The following SLCO1A2 variants were observed in gnomAD, a reference collection of about 807,000 sequenced individuals.
SLCO1A2 encodes the protein solute carrier organic anion transporter family member 1A2, also known as OATP-1.
Under a neutral mutation model 69.0 loss-of-function variants are expected in SLCO1A2, and 67 were observed. The observed-to-expected ratio is 0.97, with a 90% CI of 0.80 to 1.19. The LOEUF is 1.19. Among genes scored for constraint, SLCO1A2 ranks in the 50% most tolerant of loss-of-function variants. SLCO1A2 has a pLI of 0.00. For synonymous variants in SLCO1A2, 260 were observed against 265.9 expected (o/e 0.98, Z 0.22); for missense variants, 787 against 793.7 (o/e 0.99, Z 0.10).
chr12:21,274,551 T>A lies in SLCO1A2; in HGVS notation c.1711A>T (p.Met571Leu), dbSNP rs750515995. 6 of 1,613,590 alleles carry A rather than the reference T, an allele frequency of 3.7e-6. No individual in the cohort carries two copies. In the South Asian group the frequency reaches 6.6e-5, roughly 18 times the overall value. ...IPAPIYFGAL[M>L]DSTCLHWGTL... is the part of the protein sequence containing the mutation. ...CCCCAGTGTAAACATGTGGAATCCA[T>A]TAAAGCGCCAAAATATATAGGTGCA... is the stretch of plus-strand genomic sequence containing the variant. The change falls in exon 14 of 15, where the codon ATG (methionine) becomes TTG (leucine). Residue 571 changes from methionine to leucine, a missense_variant. Physicochemically the swap from Met to Leu is conservative, Grantham distance 15. Coordinates refer to ENST00000683939, the MANE Select transcript of SLCO1A2 (RefSeq NM_001386879.1).
chr12:21,272,468 T>C (rs146095804), intron 14 of SLCO1A2, among the ~76,000 whole-genome samples: 15 of 151,968 alleles, frequency 9.9e-5, no homozygotes, highest in African/African-American at 3.4e-4. Context: ...TAGATTTACA[T>C]AGCTTCATAA....
At chr12:21,303,103 CA>C (rs1487748660) in intron 6 of SLCO1A2, among the ~76,000 whole-genome samples, 1 of 152,030 alleles carries the variant, frequency 6.6e-6, no homozygotes, top group Admixed American at 6.6e-5. Flanking sequence ...GTTATGGATA[CA>C]CACATGAACA....
intron 2 of SLCO1A2, among the ~76,000 whole-genome samples, chr12:21,359,427 G>A (rs939097921): frequency 1.3e-5 from 2 of 151,342 alleles, no homozygotes; most frequent in Admixed American, 6.6e-5. Context: ...ACCTGAAATC[G>A]CCTGGCTAAA....
chr12:21,271,520 T>C (rs2136053371), intron 14 of SLCO1A2, among the ~76,000 whole-genome samples: 1 of 151,430 alleles, frequency 6.6e-6, no homozygotes, highest in South Asian at 2.1e-4. Flanking sequence ...CTATGTCATT[T>C]GTACATATTT....
chr12:21,282,869 A>G (rs898752187), intron 12 of SLCO1A2, among the ~76,000 whole-genome samples: 1 of 152,144 alleles, frequency 6.6e-6, no homozygotes, highest in Non-Finnish European at 1.5e-5. Context: ...ATTACCCTAA[A>G]GAAGTGAAAG....
chr12:21,363,723 C>T (rs958826407), intron 2 of SLCO1A2, among the ~76,000 whole-genome samples: 6 of 152,112 alleles, frequency 3.9e-5, no homozygotes, highest in Non-Finnish European at 7.4e-5. Context: ...ATATCACCAT[C>T]GATCCTACAG....
chr12:21,359,411 A>C (rs927663804), intron 2 of SLCO1A2, among the ~76,000 whole-genome samples: 14 of 152,158 alleles, frequency 9.2e-5, no homozygotes, highest in Admixed American at 6.5e-4. Flanking sequence ...GAAAAAAAAA[A>C]CACAAACCTG....
At chr12:21,401,029 A>AT (rs1358410847) in intron 1 of SLCO1A2, among the ~76,000 whole-genome samples, 1 of 148,102 alleles carries the variant, frequency 6.8e-6, no homozygotes, top group African/African-American at 2.5e-5. Flanking sequence ...AAGTATAATA[A>AT]TAAAAAAAAA....
chr12:21,359,400 TG>T (rs1174867134), intron 2 of SLCO1A2, among the ~76,000 whole-genome samples: 1 of 151,172 alleles, frequency 6.6e-6, no homozygotes, highest in Non-Finnish European at 1.5e-5. Context: ...AAAACATTAG[TG>T]AAAAAAAAAA....
Position 21,318,935 on chromosome 12 carries a change from A to G in SLCO1A2, c.61-12T>C, listed in dbSNP as rs1565496112. 6.4e-7 allele frequency: 1 copy of G among 1,565,854 alleles called. No individual in the cohort carries two copies. The highest frequency in any genetic ancestry group is 8.6e-7 in the Non-Finnish European group (1 of 1,162,582). The stretch of plus-strand genomic sequence containing the variant: ...GCCAACAGAAACATCTAGGAAAAAA[A>G]TATAAGAAAACGTAGAAAAAATTAT... On this transcript the variant is annotated splice_polypyrimidine_tract_variant and intron_variant, in intron 2 of 14. Transcript: ENST00000683939.
intron 2 of SLCO1A2, among the ~76,000 whole-genome samples, chr12:21,330,370 G>A (rs193194255): frequency 8.6e-5 from 13 of 151,906 alleles, no homozygotes; most frequent in Admixed American, 7.2e-4. Flanking sequence ...AAAAAGCTTG[G>A]CTTTGTGGTG....
In SLCO1A2 at chr12:21,269,438, A is replaced by G. The variant is rs553214457; in HGVS notation, c.*110T>C. 1.1e-4 allele frequency: 73 copies of G among 684,746 alleles called. No individual in the cohort carries two copies. The African/African-American group carries it at 1.2e-3, about 12-fold the overall frequency. The allele number at this position is 684,746 out of a possible 1,614,324, so 42.4% of individuals were successfully genotyped here. ...ATTATTTTGAGTTAAGAGGTTTTTT[A>G]GGTTCTTAAAGACAAGAAAAAGTTA... On this transcript the variant is annotated 3_prime_UTR_variant, in exon 15 of 15. Coordinates refer to ENST00000683939, the MANE Select transcript of SLCO1A2 (RefSeq NM_001386879.1).
chr12:21,407,083 A>C (rs1054820281), intron 1 of SLCO1A2, among the ~76,000 whole-genome samples: 3 of 152,196 alleles, frequency 2.0e-5, no homozygotes, highest in Non-Finnish European at 2.9e-5. Context: ...AAACAATTTA[A>C]CAAAATAATT....
At chr12:21,318,037 A>C (rs1322494497) in intron 3 of SLCO1A2, among the ~76,000 whole-genome samples, 3 of 152,172 alleles carry the variant, frequency 2.0e-5, no homozygotes, top group African/African-American at 7.2e-5. Context: ...TCCCAGACCA[A>C]ATAGCAGAAA....
intron 1 of SLCO1A2, among the ~76,000 whole-genome samples, chr12:21,405,740 C>A (rs1465108629): frequency 6.6e-6 from 1 of 152,242 alleles, no homozygotes; most frequent in Middle Eastern, 3.4e-3. Flanking sequence ...CTTCCTTACA[C>A]CTTATACAAA....
chr12:21,394,962 A>C (rs2137168379), exon 1 of SLCO1A2: 1 of 152,394 alleles, frequency 6.6e-6, no homozygotes, highest in South Asian at 2.1e-4. Flanking sequence ...AAGCACCGTA[A>C]GTGTGCTGTG....
chr12:21,271,081 A>G (rs1331973724), intron 14 of SLCO1A2, among the ~76,000 whole-genome samples: 1 of 151,802 alleles, frequency 6.6e-6, no homozygotes, highest in African/African-American at 2.4e-5. Context: ...ATCCAGTATA[A>G]CCACATTTAA....
At chr12:21,402,159 A>G (rs1941727429) in intron 1 of SLCO1A2, among the ~76,000 whole-genome samples, 1 of 150,832 alleles carries the variant, frequency 6.6e-6, no homozygotes, top group South Asian at 2.1e-4. Context: ...CCAAGAAACT[A>G]TAATGGAAAA....
intron 2 of SLCO1A2, chr12:21,319,374 TG>T (rs779755719): frequency 5.1e-6 from 7 of 1,367,864 alleles, no homozygotes; most frequent in Admixed American, 1.9e-5. Flanking sequence ...CAGATTACCT[TG>T]GCCGACTCCA....
Sources: gnomAD v4.1 joint callset for allele counts (sites outside exome capture counted in the v4.1 genomes callset) on GRCh38, gnomAD v4.1.1 for gene constraint, MANE v1.5 for transcripts, NCBI Gene and HGNC (gene_info 2026-07-23, HGNC 2026-07-21) for gene names.